Variants in EIF4E1B observed in about 807,000 individuals in gnomAD.
The protein encoded by EIF4E1B is eukaryotic translation initiation factor 4E type 1B.
Under a neutral mutation model 31.3 loss-of-function variants are expected in EIF4E1B, and 22 were observed. That is an observed-to-expected ratio of 0.70 (90% confidence interval 0.50 to 1.00). The LOEUF (loss-of-function observed/expected upper bound fraction) is 1.00, where lower values mean the gene tolerates loss of function less well. Ranked by LOEUF, EIF4E1B falls within the 50% of genes least tolerant of loss-of-function variation. The pLI, the probability that EIF4E1B is intolerant of heterozygous loss-of-function variation, is 0.00. For missense variants in EIF4E1B, 290 were observed against 311.6 expected, an observed-to-expected ratio of 0.93 and a Z score of 0.52; for synonymous variants, 126 against 120.2, an observed-to-expected ratio of 1.05 and a Z score of -0.31.
intron 1 of EIF4E1B, 79 bp from the exon 2 acceptor site, chr5:176,641,964 C>T (rs1296001768): frequency 4.6e-5 from 7 of 152,556 alleles, no homozygotes; most frequent in Non-Finnish European, 5.9e-5. Context: ...CCTTGTTCTA[C>T]GGGTTCTATG....
Position 176,644,368 on chromosome 5 carries a change from CT to C in EIF4E1B, c.297-7del. On this transcript the variant is annotated splice_region_variant and splice_polypyrimidine_tract_variant and intron_variant, in intron 5 of 8. Coordinates refer to ENST00000318682, the MANE Select transcript of EIF4E1B (RefSeq NM_001099408.2). ...GACTTTTGGCATGGGGTCGGGGGCTCTGTCCAGGCTATACAGTCACATCCAG... is the reference window on the plus strand; with the variant it reads ...GACTTTTGGCATGGGGTCGGGGGCTCGTCCAGGCTATACAGTCACATCCAG... 1 of 1,584,506 alleles carries C rather than the reference CT, an allele frequency of 6.3e-7. No homozygotes were observed. Among genetic ancestry groups the C allele is most frequent in the Non-Finnish European group, 8.6e-7 (1 of 1,164,998 alleles).
At chr5:176,641,258 G>A (rs904168250) in intron 1 of EIF4E1B, among the ~76,000 whole-genome samples, 9 of 152,258 alleles carry the variant, frequency 5.9e-5, no homozygotes, top group East Asian at 1.9e-4. Flanking sequence ...GAGCTGAGAC[G>A]TCAAGACGGC....
chr5:176,645,451 C>A lies in EIF4E1B; in HGVS notation c.549C>A (p.Thr183=). 1 of 1,516,526 alleles carries A rather than the reference C, an allele frequency of 6.6e-7. No homozygotes were observed. The highest frequency in any genetic ancestry group is 2.3e-5 in the East Asian group (1 of 43,536). 93.9% of individuals were successfully genotyped at this position (1,516,526 alleles called of 1,614,324 possible). The change falls in exon 8 of 9, where the codon ACC becomes ACA. Residue 183 remains threonine (T), a synonymous_variant. Coordinates refer to ENST00000318682, the MANE Select transcript of EIF4E1B (RefSeq NM_001099408.2). The surrounding 1 kb of genome is among the most constrained non-coding windows in gnomAD (Gnocchi z 5.4). ...GTGGGGCCGTCGTCAACATCCGCACCAAGGGGGACAAGATCGCTGTGTGGA... is the reference window on the plus strand; with the variant it reads ...GTGGGGCCGTCGTCAACATCCGCACAAAGGGGGACAAGATCGCTGTGTGGA... The part of the protein sequence containing the change: ...EVCGAVVNIR[T]KGDKIAVWTR...
In EIF4E1B at chr5:176,645,404, G is replaced by T. The variant is rs1375393924; in HGVS notation, c.502G>T (p.Glu168Ter). The T allele has an allele frequency of 1.3e-6, 2 of 1,527,392 alleles. No individual in the cohort carries two copies. The highest frequency in any genetic ancestry group is 4.2e-5 in the Admixed American group (2 of 47,760). 94.6% of individuals were successfully genotyped at this position (1,527,392 alleles called of 1,614,324 possible). ...TLLCLIGESF[E>*]EHSREVCGAV... The stretch of plus-strand genomic sequence containing the variant: ...GCTGTGTCTGATCGGGGAGAGCTTT[G>T]AGGAACACAGCAGAGAGGTATGTGG... Residue 168 changes from glutamate to a stop codon, truncating the protein, a stop_gained, in exon 8 of 9, where the codon GAG (glutamate) becomes TAG (stop). Coordinates refer to ENST00000318682, the MANE Select transcript of EIF4E1B (RefSeq NM_001099408.2). LOFTEE classifies it high-confidence loss of function. This position sits in a 1 kb window ranked among gnomAD's most constrained non-coding sequence, Gnocchi z 5.4.
Position 176,638,658 on chromosome 5 carries a change from C to G in EIF4E1B, c.-201-3385C>G, listed in dbSNP as rs763860495. 3.3e-5 allele frequency among the ~76,000 whole-genome samples: 5 copies of G among 152,240 alleles called. No individual in the cohort carries two copies. The highest frequency in any genetic ancestry group is 7.3e-5 in the Non-Finnish European group (5 of 68,044). On this transcript the variant is annotated intron_variant, in intron 1 of 8. Coordinates refer to ENST00000318682, the MANE Select transcript of EIF4E1B (RefSeq NM_001099408.2). The surrounding 1 kb of genome is among the most constrained non-coding windows in gnomAD (Gnocchi z 4.3). ...CAAAGGCCCTGAGGCAGGAACAAAT[C>G]TAGCCTTTTGGAGGCTCCATGTGCT...
At chr5:176,644,064 C>T (rs1045177283) in intron 5 of EIF4E1B, 1 of 552,578 alleles carries the variant, frequency 1.8e-6, no homozygotes, top group South Asian at 2.4e-5. Flanking sequence ...CGGGTGCTCA[C>T]GGGAGTGGCT....
At position 176,644,677 on chromosome 5, in the gene EIF4E1B, A is replaced by C. The variant is rs991868259; in HGVS notation, c.360+238A>C. On this transcript the variant is annotated intron_variant, in intron 6 of 8. Transcript: ENST00000318682. ...GAAGAGGGAGAGGGAGAGATTTCTG[A>C]CCTGGCTCCTTAACTAGGGAAGGGC... The C allele has an allele frequency of 2.6e-5, 14 of 536,510 alleles. 1 individual carries two copies. In the South Asian group the frequency reaches 3.4e-4, roughly 13 times the overall value. The allele number at this position is 536,510 out of a possible 1,614,324, so 33.2% of individuals were successfully genotyped here.
intron 1 of EIF4E1B, among the ~76,000 whole-genome samples, chr5:176,634,040 T>C (rs1052827090): frequency 8.6e-5 from 13 of 152,018 alleles, no homozygotes; most frequent in African/African-American, 3.1e-4. Flanking sequence ...TTAGGTGTTA[T>C]GGGAGACGGA....
At chr5:176,641,305 G>A (rs1760573760) in intron 1 of EIF4E1B, among the ~76,000 whole-genome samples, 1 of 152,142 alleles carries the variant, frequency 6.6e-6, no homozygotes. Flanking sequence ...TCCCGCCTGG[G>A]CAGCTGGAGT....
At chr5:176,640,706 G>A (rs1250635628) in intron 1 of EIF4E1B, among the ~76,000 whole-genome samples, 1 of 152,128 alleles carries the variant, frequency 6.6e-6, no homozygotes, top group Non-Finnish European at 1.5e-5. Context: ...TGCCTCCCCA[G>A]CCAGTCTGTA....
Position 176,645,156 on chromosome 5 carries a change from C to T in EIF4E1B, c.387C>T (p.Asp129=), listed in dbSNP as rs1463216808. The change falls in exon 7 of 9, where the codon GAC becomes GAT. Residue 129 remains aspartate, a synonymous_variant. Coordinates refer to ENST00000318682, the MANE Select transcript of EIF4E1B (RefSeq NM_001099408.2). This position sits in a 1 kb window ranked among gnomAD's most constrained non-coding sequence, Gnocchi z 5.4. ...FKDGIQPMWE[D]SRNKRGGRWL... ...ATGGCATCCAGCCCATGTGGGAGGA[C>T]AGCAGGAATAAACGGGGTGGCCGCT... The T allele has an allele frequency of 6.4e-7, 1 of 1,571,642 alleles. No individual in the cohort carries two copies. The highest frequency in any genetic ancestry group is 8.6e-7 in the Non-Finnish European group (1 of 1,158,478).
In EIF4E1B at chr5:176,643,738, A is replaced by G; in HGVS notation, c.296+4A>G. The stretch of plus-strand genomic sequence containing the variant: ...ACACTGTGGAGGACTTCTGGGCGTG[A>G]GTGTCTGTCCCCAGTGGGGCTAGAG... On this transcript the variant is annotated splice_donor_region_variant and intron_variant, in intron 5 of 8. Transcript: ENST00000318682. 2.5e-6 allele frequency: 4 copies of G among 1,611,032 alleles called. No homozygotes were observed. The highest frequency in any genetic ancestry group is 3.4e-6 in the Non-Finnish European group (4 of 1,178,674).
At chr5:176,644,973 G>A (rs1205345365) in intron 6 of EIF4E1B, among the ~76,000 whole-genome samples, 157 bp from the exon 7 acceptor site, 1 of 152,160 alleles carries the variant, frequency 6.6e-6, no homozygotes, top group Non-Finnish European at 1.5e-5. Context: ...GGAGCTGAGT[G>A]GCTGGGGGTG....
chr5:176,645,342 G>A lies in EIF4E1B; in HGVS notation c.475-35G>A, dbSNP rs754442141. On this transcript the variant is annotated intron_variant, in intron 7 of 8. Coordinates refer to ENST00000318682, the MANE Select transcript of EIF4E1B (RefSeq NM_001099408.2). The surrounding 1 kb of genome is among the most constrained non-coding windows in gnomAD (Gnocchi z 5.4). ...ATGGCAGGCCAGTCCCTATGTCCCA[G>A]CCGGTGATCTCACAACCCCCTACTT... 1 of 1,545,784 alleles carries A rather than the reference G, an allele frequency of 6.5e-7. No homozygotes were observed. The highest frequency in any genetic ancestry group is 8.8e-7 in the Non-Finnish European group (1 of 1,142,572).
intron 6 of EIF4E1B, 145 bp downstream of exon 6, chr5:176,644,584 A>G: frequency 8.4e-6 from 8 of 951,512 alleles, no homozygotes; most frequent in South Asian, 1.7e-5. Flanking sequence ...ACTGGAGGAA[A>G]TGCTCTACAG....
chr5:176,631,623 C>T (rs1410863404), intron 1 of EIF4E1B, among the ~76,000 whole-genome samples: 1 of 146,278 alleles, frequency 6.8e-6, no homozygotes, highest in Non-Finnish European at 1.5e-5. Context: ...GGTAATTAGG[C>T]GAGGGGGCCA....
chr5:176,644,499 C>A, intron 6 of EIF4E1B, 60 bp downstream of exon 6: 1 of 1,488,406 alleles, frequency 6.7e-7, no homozygotes, highest in Non-Finnish European at 9.2e-7. Flanking sequence ...CCCTCCCGGA[C>A]TCCACTGCGT....
At position 176,643,704 on chromosome 5, in the gene EIF4E1B, C is replaced by T. The variant is rs1156603792; in HGVS notation, c.266C>T (p.Thr89Ile). The T allele has an allele frequency of 1.2e-6, 2 of 1,613,072 alleles. No homozygotes were observed. Among genetic ancestry groups the T allele is most frequent in the Non-Finnish European group, 1.7e-6 (2 of 1,179,620 alleles). ...TGGCAGGACAACCTGCACCTGGTCA[C>T]CAAGGTGGACACTGTGGAGGACTTC... ...RAWQDNLHLV[T>I]KVDTVEDFWA... The change falls in exon 5 of 9, where the codon ACC becomes ATC. Residue 89 changes from threonine to isoleucine, a missense_variant. Physicochemically the swap from Thr to Ile is moderately conservative, Grantham distance 89. Coordinates refer to ENST00000318682, the MANE Select transcript of EIF4E1B (RefSeq NM_001099408.2).
rs188821753 is a variant in EIF4E1B at position 176,632,039 on chromosome 5, G to A, written c.-202+975G>A. 3.9e-5 allele frequency among the ~76,000 whole-genome samples: 6 copies of A among 152,274 alleles called. 1 individual carries two copies. Among genetic ancestry groups the A allele is most frequent in the Admixed American group, 1.3e-4 (2 of 15,302 alleles). ...CATGGGAGTGTGCCAAGATGTGGTG[G>A]TAAGTGTGAGAAGCAAGGTGCCAAA... On this transcript the variant is annotated intron_variant, in intron 1 of 8. Transcript: ENST00000318682.
Sources: allele counts gnomAD v4.1 joint callset (sites outside exome capture counted in the v4.1 genomes callset), GRCh38; gene constraint gnomAD v4.1.1; non-coding constraint Gnocchi (gnomAD v3.1); transcripts MANE v1.5; gene names NCBI Gene and HGNC (gene_info 2026-07-23, HGNC 2026-07-21).